The following EML4 variants were observed in gnomAD, a reference collection of about 807,000 sequenced individuals.
The protein encoded by EML4 is echinoderm microtubule-associated protein-like 4.
A neutral mutation model predicts 129.0 loss-of-function variants in EML4; 72 were observed. That is an observed-to-expected ratio of 0.56 (90% CI 0.46 to 0.68). The LOEUF (loss-of-function observed/expected upper bound fraction) is 0.68, where lower values mean the gene tolerates loss of function less well. EML4 is among the 30% of genes least tolerant of loss of function. EML4 has a pLI of 0.00. For missense variants in EML4, 1,363 were observed against 1,190.6 expected (o/e 1.14, Z -2.13); for synonymous variants, 532 against 405.0 (o/e 1.31, Z -3.77).
At chr2:42,216,585 T>C (rs1673207886) in intron 1 of EML4, among the ~76,000 whole-genome samples, 2 of 152,228 alleles carry the variant, frequency 1.3e-5, no homozygotes, top group Non-Finnish European at 2.9e-5. Flanking sequence ...AATCCTAGTA[T>C]GAGTACAGCT....
intron 1 of EML4, 113 bp downstream of exon 1, chr2:42,169,749 A>C (rs1572815228): frequency 8.1e-7 from 1 of 1,240,972 alleles, no homozygotes; most frequent in Non-Finnish European, 1.1e-6. Flanking sequence ...CAGCGGCTCC[A>C]CTGCACATGT....
At chr2:42,279,765 C>T (rs1471250148) in intron 6 of EML4, among the ~76,000 whole-genome samples, 2 of 137,772 alleles carry the variant, frequency 1.5e-5, no homozygotes, top group African/African-American at 6.0e-5. Flanking sequence ...TGAGCCACCG[C>T]GCCCGGCTGT....
At chr2:42,249,189 A>G (rs1675609367) in intron 2 of EML4, among the ~76,000 whole-genome samples, 1 of 152,176 alleles carries the variant, frequency 6.6e-6, no homozygotes, top group Non-Finnish European at 1.5e-5. Flanking sequence ...AAATAAATGA[A>G]GTTTTTCATA....
At chr2:42,174,693 T>G (rs1311428088) in intron 1 of EML4, among the ~76,000 whole-genome samples, 1 of 152,360 alleles carries the variant, frequency 6.6e-6, no homozygotes, top group African/African-American at 2.4e-5. Flanking sequence ...TTTTTAAATA[T>G]TATTTTAAAG....
At chr2:42,326,032 T>C in intron 20 of EML4, 122 bp from the exon 21 acceptor site, 1 of 1,306,132 alleles carries the variant, frequency 7.7e-7, no homozygotes, top group East Asian at 2.8e-5. Context: ...AAATGTGTCT[T>C]AATGTTTTTC....
chr2:42,313,661 C>G (rs1039454279), intron 17 of EML4, among the ~76,000 whole-genome samples: 2 of 152,192 alleles, frequency 1.3e-5, no homozygotes, highest in Non-Finnish European at 2.9e-5. Context: ...GATACAGTGG[C>G]TCATGCCTGT....
chr2:42,222,997 C>G (rs1353646385), intron 1 of EML4, among the ~76,000 whole-genome samples: 1 of 152,042 alleles, frequency 6.6e-6, no homozygotes, highest in Non-Finnish European at 1.5e-5. Context: ...GATGGGGTGT[C>G]ACTGTATTAG....
intron 1 of EML4, among the ~76,000 whole-genome samples, chr2:42,225,721 G>T (rs1463168027): frequency 1.3e-5 from 2 of 152,138 alleles, no homozygotes; most frequent in African/African-American, 2.4e-5. Context: ...CCTCCCTGCA[G>T]ATAGAAGTTT....
intron 1 of EML4, among the ~76,000 whole-genome samples, chr2:42,223,501 C>T (rs1262028315): frequency 6.6e-6 from 1 of 152,068 alleles, no homozygotes; most frequent in Non-Finnish European, 1.5e-5. Context: ...TGTTTGTTTT[C>T]TGTTTTTTAA....
At chr2:42,268,577 C>T (rs1666197064) in intron 6 of EML4, among the ~76,000 whole-genome samples, 1 of 152,142 alleles carries the variant, frequency 6.6e-6, no homozygotes, top group African/African-American at 2.4e-5. Context: ...GCTGAGACTA[C>T]AGGCACATAC....
At chr2:42,223,358 A>G (rs752001735) in intron 1 of EML4, among the ~76,000 whole-genome samples, 7 of 152,042 alleles carry the variant, frequency 4.6e-5, no homozygotes, top group African/African-American at 7.2e-5. Flanking sequence ...ATTTGCTATC[A>G]TTTTTTTGTT....
intron 17 of EML4, among the ~76,000 whole-genome samples, chr2:42,312,594 C>T (rs971844948): frequency 6.6e-6 from 1 of 151,914 alleles, no homozygotes; most frequent in African/African-American, 2.4e-5. Flanking sequence ...TGCTCTGTCG[C>T]CCAGGCTGGA....
rs36110068 is a variant in EML4 at position 42,189,999 on chromosome 2, C to CT, written c.25+20374dup. ...AAAAAAAAGTCATCAAAATTGGGCT[C>CT]TTTTTTTTTTTAGGTGATGGTGTTT... is the stretch of plus-strand genomic sequence containing the variant. On this transcript the variant is annotated intron_variant, in intron 1 of 22. Coordinates refer to ENST00000318522, the MANE Select transcript of EML4 (RefSeq NM_019063.5). 6.8e-4 allele frequency among the ~76,000 whole-genome samples: 97 copies of CT among 142,496 alleles called. No homozygotes were observed. The East Asian group carries it at 7.3e-3, about 11-fold the overall frequency. The allele number at this position is 142,496 out of a possible 152,430, so 93.5% of individuals were successfully genotyped here.
chr2:42,323,322 C>T (rs897690386), intron 19 of EML4, among the ~76,000 whole-genome samples: 1 of 152,190 alleles, frequency 6.6e-6, no homozygotes, highest in Non-Finnish European at 1.5e-5. Flanking sequence ...AGCCAACATC[C>T]ATGTGCATCT....
chr2:42,242,732 C>G (rs566585585), intron 1 of EML4, among the ~76,000 whole-genome samples: 1 of 149,638 alleles, frequency 6.7e-6, no homozygotes, highest in Non-Finnish European at 1.5e-5. Flanking sequence ...CTCTTCTCTT[C>G]TCGTCTCGTC....
intron 1 of EML4, among the ~76,000 whole-genome samples, chr2:42,180,463 T>C (rs1670867138): frequency 6.6e-6 from 1 of 152,230 alleles, no homozygotes; most frequent in Non-Finnish European, 1.5e-5. Flanking sequence ...AGATGGTCTG[T>C]ATATGTGCTA....
intron 1 of EML4, among the ~76,000 whole-genome samples, chr2:42,172,825 A>G (rs1670356867): frequency 6.6e-6 from 1 of 152,152 alleles, no homozygotes. Context: ...GATTTTTTAT[A>G]AGGCAGGGAT....
chr2:42,304,089 C>T (rs778862959), intron 16 of EML4, among the ~76,000 whole-genome samples: 115 of 152,124 alleles, frequency 7.6e-4, no homozygotes, highest in Non-Finnish European at 1.3e-3. Context: ...AAGTGCTGCT[C>T]ACTAACAGGC....
intron 1 of EML4, among the ~76,000 whole-genome samples, chr2:42,195,868 GTTAA>G (rs1380620932): frequency 6.6e-6 from 1 of 152,164 alleles, no homozygotes; most frequent in African/African-American, 2.4e-5. Context: ...TGTTATTAAA[GTTAA>G]TTATTTTTCA....
Sources: allele counts gnomAD v4.1 joint callset (sites outside exome capture counted in the v4.1 genomes callset), GRCh38; gene constraint gnomAD v4.1.1; transcripts MANE v1.5; gene names NCBI Gene and HGNC (gene_info 2026-07-23, HGNC 2026-07-21).